AP1M1: variants seen among roughly 807,000 people sequenced by gnomAD.
The protein encoded by AP1M1 is AP-1 complex subunit mu-1.
AP1M1 carries 18 observed loss-of-function variants against 57.1 expected under a neutral mutation model. That is an observed-to-expected ratio of 0.32 (90% confidence interval 0.22 to 0.47). The LOEUF is 0.47. Ranked by LOEUF, AP1M1 falls within the 20% of genes least tolerant of loss-of-function variation. The probability of loss-of-function intolerance (pLI) is 1.00; values close to 1 mark genes in which losing one functional copy is unlikely to be tolerated. For synonymous variants in AP1M1, 241 were observed against 237.9 expected (o/e 1.01, Z -0.12); for missense variants, 362 against 593.5 (o/e 0.61, Z 4.05).
chr19:16,221,983 G>A (rs1406699138), intron 5 of AP1M1, among the ~76,000 whole-genome samples: 1 of 151,984 alleles, frequency 6.6e-6, no homozygotes. Context: ...ACCGCACCCA[G>A]CCCTCAGATA....
At chr19:16,209,262 C>A in intron 5 of AP1M1, 85 bp downstream of exon 5, 1 of 1,519,534 alleles carries the variant, frequency 6.6e-7, no homozygotes, top group Non-Finnish European at 9.0e-7. Context: ...CTGGCAAAGC[C>A]CCGAGAGCCG....
rs1482020862 is a variant in AP1M1 at position 16,235,091 on chromosome 19, C to T, written c.*656C>T. The T allele has an allele frequency of 2.0e-5, 3 of 152,572 alleles. No individual in the cohort carries two copies. The highest frequency in any genetic ancestry group is 7.2e-5 in the African/African-American group (3 of 41,460). 9.5% of individuals were successfully genotyped at this position (152,572 alleles called of 1,614,324 possible). On this transcript the variant is annotated 3_prime_UTR_variant, in exon 12 of 12. Coordinates refer to ENST00000291439, the MANE Select transcript of AP1M1 (RefSeq NM_032493.4). ...GGGCCACTGTAGCGTCTGCCTGCTC[C>T]CTGGACTCGCAGGCCTCGCCTGTGG...
chr19:16,210,163 T>A (rs958797282), intron 5 of AP1M1, among the ~76,000 whole-genome samples: 1 of 152,258 alleles, frequency 6.6e-6, no homozygotes, highest in African/African-American at 2.4e-5. Flanking sequence ...TCATTCTAAT[T>A]CTTTGCGATT....
chr19:16,208,348 G>A (rs180934017), intron 4 of AP1M1, 199 bp downstream of exon 4: 6 of 498,994 alleles, frequency 1.2e-5, no homozygotes, highest in Admixed American at 3.4e-5. Context: ...CCACATAACC[G>A]TGCTTTTCCT....
Position 16,203,339 on chromosome 19 carries a change from T to G in AP1M1, c.43-120T>G. On this transcript the variant is annotated intron_variant, in intron 1 of 11. Coordinates refer to ENST00000291439, the MANE Select transcript of AP1M1 (RefSeq NM_032493.4). This position sits in a 1 kb window ranked among gnomAD's most constrained non-coding sequence, Gnocchi z 4.6. The stretch of plus-strand genomic sequence containing the variant: ...GCCTCAAGTCCTGCTCTTTTGCGGA[T>G]AGTGGCCATGACCGGAGTCCCCAGA... The G allele has an allele frequency of 1.0e-6, 1 of 964,776 alleles. No homozygotes were observed. The highest frequency in any genetic ancestry group is 1.6e-6 in the Non-Finnish European group (1 of 630,002). The allele number at this position is 964,776 out of a possible 1,614,324, so 59.8% of individuals were successfully genotyped here.
chr19:16,217,783 C>A (rs896588240), intron 5 of AP1M1, among the ~76,000 whole-genome samples: 14 of 152,160 alleles, frequency 9.2e-5, no homozygotes, highest in African/African-American at 3.4e-4. Context: ...GGTGTCCTGG[C>A]TGTGCTCCAC....
Position 16,206,795 on chromosome 19 carries a change from A to G in AP1M1, c.267+387A>G, listed in dbSNP as rs974969719. 6.6e-6 allele frequency among the ~76,000 whole-genome samples: 1 copy of G among 152,196 alleles called. No individual in the cohort carries two copies. The highest frequency in any genetic ancestry group is 1.5e-5 in the Non-Finnish European group (1 of 68,022). On this transcript the variant is annotated intron_variant, in intron 3 of 11. Coordinates refer to ENST00000291439, the MANE Select transcript of AP1M1 (RefSeq NM_032493.4). This position sits in a 1 kb window ranked among gnomAD's most constrained non-coding sequence, Gnocchi z 4.3. Reference sequence around the variant, plus strand: ...GAATCTCCCAGGGGGCTCTCAAGGCACAGATGCCTGACGCCCACCTTGGAG... The same window carrying G: ...GAATCTCCCAGGGGGCTCTCAAGGCGCAGATGCCTGACGCCCACCTTGGAG...
At chr19:16,233,719 A>T (rs757744654) in intron 10 of AP1M1, 101 bp downstream of exon 10, 71 of 1,415,588 alleles carry the variant, frequency 5.0e-5, no homozygotes, top group Non-Finnish European at 6.7e-5. Flanking sequence ...GTCAGCTGCA[A>T]TCAGGACCCT....
chr19:16,220,424 T>A (rs931214715), intron 5 of AP1M1, among the ~76,000 whole-genome samples: 10 of 152,014 alleles, frequency 6.6e-5, no homozygotes, highest in Non-Finnish European at 1.3e-4. Context: ...AGAGTCTTGC[T>A]CTGTCACCCA....
In AP1M1 at chr19:16,208,120, C is replaced by A; in HGVS notation, c.369C>A (p.Pro123=). The A allele has an allele frequency of 6.2e-7, 1 of 1,613,626 alleles. No homozygotes were observed. Among genetic ancestry groups the A allele is most frequent in the Non-Finnish European group, 8.5e-7 (1 of 1,179,792 alleles). The change falls in exon 4 of 12, where the codon CCC becomes CCA. Residue 123 remains proline (P), a synonymous_variant. Transcript: ENST00000291439. ...ACGAGCTCATGGACTTCGGCTACCC[C>A]CAGACCACCGACAGCAAGATCCTGC... is the stretch of plus-strand genomic sequence containing the variant. ...LLDELMDFGY[P]QTTDSKILQE... is the part of the protein sequence containing the mutation.
In AP1M1 at chr19:16,242,517, G is replaced by A. The variant is rs1274510589; in HGVS notation, c.*8082G>A. ...AGGTGTAAATGAAGCAAAGCTGCTA[G>A]TTGAAGATGTTGTCGGATTGAACTG... On this transcript the variant is annotated 3_prime_UTR_variant, in exon 12 of 12. Transcript: ENST00000291439. The A allele has an allele frequency of 6.6e-6, 1 of 152,210 alleles. No individual in the cohort carries two copies. Among genetic ancestry groups the A allele is most frequent in the African/African-American group, 2.4e-5 (1 of 41,444 alleles). 9.4% of individuals were successfully genotyped at this position (152,210 alleles called of 1,614,324 possible).
chr19:16,238,259 G>A lies in AP1M1; in HGVS notation c.*3824G>A, dbSNP rs774533692. The A allele has an allele frequency of 6.6e-6, 1 of 152,224 alleles. No homozygotes were observed. Among genetic ancestry groups the A allele is most frequent in the African/African-American group, 2.4e-5 (1 of 41,462 alleles). 9.4% of individuals were successfully genotyped at this position (152,224 alleles called of 1,614,324 possible). On this transcript the variant is annotated 3_prime_UTR_variant, in exon 12 of 12. Coordinates refer to ENST00000291439, the MANE Select transcript of AP1M1 (RefSeq NM_032493.4). ...GAACTCTAGTTGAGAAAAGCCCTGA[G>A]AAGTCCATGCACCAATATATAGAGA...
rs1445108383 is a variant in AP1M1 at position 16,244,664 on chromosome 19, A to AC, written c.*10230dup. The AC allele has an allele frequency of 6.6e-6, 1 of 151,844 alleles. No individual in the cohort carries two copies. Among genetic ancestry groups the AC allele is most frequent in the Admixed American group, 6.6e-5 (1 of 15,250 alleles). The allele number at this position is 151,844 out of a possible 1,614,324, so 9.4% of individuals were successfully genotyped here. On this transcript the variant is annotated 3_prime_UTR_variant, in exon 12 of 12. Transcript: ENST00000291439. The stretch of plus-strand genomic sequence containing the variant: ...GCTAACACGGTGAAACCCCGTCTCT[A>AC]CTAAAAATACAAAAAATTAGCCGGG...
chr19:16,239,784 C>CAA lies in AP1M1; in HGVS notation c.*5359_*5360dup. The CAA allele has an allele frequency of 6.9e-6, 1 of 144,592 alleles. No homozygotes were observed. Among genetic ancestry groups the CAA allele is most frequent in the Non-Finnish European group, 1.5e-5 (1 of 65,862 alleles). 9.0% of individuals were successfully genotyped at this position (144,592 alleles called of 1,614,324 possible). Reference sequence around the variant, plus strand: ...TGAGCGACACAGTGAGACACTGTCTCAAAAAAAAAAATTAACAACTTGGTT... The same window carrying CAA: ...TGAGCGACACAGTGAGACACTGTCTCAAAAAAAAAAAAATTAACAACTTGGTT... On this transcript the variant is annotated 3_prime_UTR_variant, in exon 12 of 12. Transcript: ENST00000291439.
rs559843318 is a variant in AP1M1, at chr19:16,203,139, T to C, written c.43-320T>C. ...GGCAAAGGCTCTGAGAAGGTCTGCATTGAGAGCTTGTGAGGCATTGCTTAA... is the reference window on the plus strand; with the variant it reads ...GGCAAAGGCTCTGAGAAGGTCTGCACTGAGAGCTTGTGAGGCATTGCTTAA... On this transcript the variant is annotated intron_variant, in intron 1 of 11. Coordinates refer to ENST00000291439, the MANE Select transcript of AP1M1 (RefSeq NM_032493.4). This position sits in a 1 kb window ranked among gnomAD's most constrained non-coding sequence, Gnocchi z 4.6. 6 of 343,024 alleles carry C rather than the reference T, an allele frequency of 1.7e-5. No individual in the cohort carries two copies. The highest frequency in any genetic ancestry group is 4.5e-5 in the Admixed American group (1 of 22,046). 21.2% of individuals were successfully genotyped at this position (343,024 alleles called of 1,614,324 possible).
intron 5 of AP1M1, among the ~76,000 whole-genome samples, chr19:16,211,757 A>C (rs1178495451): frequency 2.0e-5 from 3 of 152,128 alleles, no homozygotes; most frequent in Non-Finnish European, 4.4e-5. Context: ...TTCAAAAAAA[A>C]ACAAAAAACA....
At chr19:16,234,036 T>G in intron 10 of AP1M1, 163 bp from the exon 11 acceptor site, 1 of 688,222 alleles carries the variant, frequency 1.5e-6, no homozygotes, top group Non-Finnish European at 2.4e-6. Flanking sequence ...CTCCCACACA[T>G]TTGCATGGTC....
At chr19:16,221,081 G>T (rs1301895039) in intron 5 of AP1M1, among the ~76,000 whole-genome samples, 1 of 152,108 alleles carries the variant, frequency 6.6e-6, no homozygotes, top group East Asian at 1.9e-4. Flanking sequence ...CATCAAATTG[G>T]GAAGTTATCA....
intron 5 of AP1M1, among the ~76,000 whole-genome samples, chr19:16,213,044 T>C (rs968533455): frequency 2.0e-5 from 3 of 152,202 alleles, no homozygotes; most frequent in East Asian, 3.8e-4. Flanking sequence ...GTATGTACCA[T>C]GTACAGATGA....
Sources: allele counts gnomAD v4.1 joint callset (sites outside exome capture counted in the v4.1 genomes callset), GRCh38; gene constraint gnomAD v4.1.1; non-coding constraint Gnocchi (gnomAD v3.1); transcripts MANE v1.5; gene names NCBI Gene and HGNC (gene_info 2026-07-23, HGNC 2026-07-21).